The following NPTN variants were observed in gnomAD, a reference collection of about 807,000 sequenced individuals.
The protein encoded by NPTN is neuroplastin.
A neutral mutation model predicts 42.7 loss-of-function variants in NPTN; 5 were observed. The observed-to-expected ratio is 0.12, with a 90% CI of 0.06 to 0.25. The LOEUF (loss-of-function observed/expected upper bound fraction) is 0.25, where lower values mean the gene tolerates loss of function less well. Ranked by LOEUF, NPTN falls within the 10% of genes least tolerant of loss-of-function variation. The pLI is 1.00. For synonymous variants in NPTN, 180 were observed against 201.9 expected (o/e 0.89, Z 0.92); for missense variants, 307 against 525.4 (o/e 0.58, Z 4.06).
At chr15:73,618,505 A>G (rs1897971101) in intron 1 of NPTN, among the ~76,000 whole-genome samples, 2 of 152,214 alleles carry the variant, frequency 1.3e-5, no homozygotes, top group Non-Finnish European at 2.9e-5. Flanking sequence ...ACAACTGAAG[A>G]TACCAGAAGA....
At chr15:73,565,903 T>C (rs749681613) in intron 6 of NPTN, 3 of 432,814 alleles carry the variant, frequency 6.9e-6, no homozygotes, top group South Asian at 1.6e-5. Flanking sequence ...AAATAACGGA[T>C]TGCCTAATAC....
intron 1 of NPTN, among the ~76,000 whole-genome samples, chr15:73,609,418 G>C (rs970019518): frequency 7.3e-6 from 1 of 137,436 alleles, no homozygotes; most frequent in South Asian, 2.5e-4. Context: ...ATCACCTGAG[G>C]TGGAGTTCAA....
At chr15:73,567,768 T>C in intron 6 of NPTN, 1 of 985,262 alleles carries the variant, frequency 1.0e-6, no homozygotes, top group Non-Finnish European at 1.2e-6. Flanking sequence ...GGTGTGAAGA[T>C]GGAGAGTGGA....
At chr15:73,581,836 C>CTT (rs975626130) in intron 4 of NPTN, among the ~76,000 whole-genome samples, 9 of 147,816 alleles carry the variant, frequency 6.1e-5, no homozygotes, top group African/African-American at 2.2e-4. Context: ...ATATGGTGCT[C>CTT]TTTTTTTTTT....
At position 73,560,468 on chromosome 15, in the gene NPTN, A is replaced by C. The variant is rs1363974454; in HGVS notation, c.*595T>G. Reference sequence around the variant, plus strand: ...TATTAAAGTCACAGGTTAAGCCCTTAAAATTATAGATTTCAGTTTATATTA... The same window carrying C: ...TATTAAAGTCACAGGTTAAGCCCTTCAAATTATAGATTTCAGTTTATATTA... On this transcript the variant is annotated 3_prime_UTR_variant, in exon 9 of 9. Coordinates refer to ENST00000345330, the MANE Select transcript of NPTN (RefSeq NM_012428.4). 6.6e-6 allele frequency: 1 copy of C among 152,548 alleles called. No homozygotes were observed. Among genetic ancestry groups the C allele is most frequent in the Non-Finnish European group, 1.5e-5 (1 of 68,026 alleles). 9.4% of individuals were successfully genotyped at this position (152,548 alleles called of 1,614,324 possible).
At chr15:73,621,748 C>T (rs79842130) in intron 1 of NPTN, among the ~76,000 whole-genome samples, 6,064 of 152,252 alleles carry the variant, frequency 0.04, 158 homozygotes, top group South Asian at 0.082. Context: ...ATAAAAACTA[C>T]AAGTTACTTT....
In NPTN at chr15:73,597,893, G is replaced by T. The variant is rs1896899898; in HGVS notation, c.92-524C>A. On this transcript the variant is annotated intron_variant, in intron 1 of 8. Transcript: ENST00000345330. The surrounding 1 kb of genome is among the most constrained non-coding windows in gnomAD (Gnocchi z 6.3). ...AAGAAGTATTAAATGACCTACTGGT[G>T]CCTTCTCTTGGGATTCAGAGTTCAA... Among the ~76,000 whole-genome samples the T allele has an allele frequency of 6.6e-6, 1 of 152,200 alleles. No individual in the cohort carries two copies. The highest frequency in any genetic ancestry group is 2.4e-5 in the African/African-American group (1 of 41,444).
At chr15:73,607,467 C>T (rs185679116) in intron 1 of NPTN, among the ~76,000 whole-genome samples, 8 of 152,292 alleles carry the variant, frequency 5.3e-5, no homozygotes, top group Admixed American at 4.6e-4. Flanking sequence ...ACAATGAACA[C>T]AAGCAGTCCA....
At chr15:73,606,118 C>T (rs1441947181) in intron 1 of NPTN, among the ~76,000 whole-genome samples, 1 of 152,166 alleles carries the variant, frequency 6.6e-6, no homozygotes, top group Non-Finnish European at 1.5e-5. Flanking sequence ...CTCAGGTAAA[C>T]AGCTTCATTA....
At chr15:73,598,664 A>G (rs1273001026) in intron 1 of NPTN, among the ~76,000 whole-genome samples, 1 of 152,184 alleles carries the variant, frequency 6.6e-6, no homozygotes, top group East Asian at 1.9e-4. Flanking sequence ...TGGCTTGGAA[A>G]CGTCCCCTGG....
chr15:73,632,392 A>G (rs1024595268), intron 1 of NPTN, among the ~76,000 whole-genome samples: 1 of 150,746 alleles, frequency 6.6e-6, no homozygotes, highest in African/African-American at 2.4e-5. Flanking sequence ...TGCTCTCCCA[A>G]CCACTACCCT....
chr15:73,590,834 T>C (rs1176464345), intron 3 of NPTN, among the ~76,000 whole-genome samples: 1 of 152,086 alleles, frequency 6.6e-6, no homozygotes, highest in Non-Finnish European at 1.5e-5. Context: ...ATGCTTTTCA[T>C]TCCACCTAAC....
intron 1 of NPTN, among the ~76,000 whole-genome samples, chr15:73,599,314 TAAAC>T (rs780070960): frequency 3.3e-5 from 5 of 151,920 alleles, no homozygotes; most frequent in Non-Finnish European, 5.9e-5. Flanking sequence ...CCAGCTAATA[TAAAC>T]AAAGAAGTAA....
In NPTN at chr15:73,585,275, C is replaced by T. The variant is rs190808516; in HGVS notation, c.706+2249G>A. On this transcript the variant is annotated intron_variant, in intron 4 of 8. Coordinates refer to ENST00000345330, the MANE Select transcript of NPTN (RefSeq NM_012428.4). ...GAACCTCTCTGTTCTCAAGTACAAC[C>T]ACCTCTTAACTCTCTATTACTCAGC... Among the ~76,000 whole-genome samples the T allele has an allele frequency of 9.1e-4, 138 of 152,280 alleles. 1 individual carries two copies. Among genetic ancestry groups the T allele is most frequent in the African/African-American group, 3.1e-3 (129 of 41,550 alleles).
intron 4 of NPTN, among the ~76,000 whole-genome samples, chr15:73,585,629 G>T (rs1192445056): frequency 1.3e-5 from 2 of 152,182 alleles, no homozygotes; most frequent in Non-Finnish European, 2.9e-5. Context: ...GAGAAGGAAA[G>T]ACAGACTAGA....
chr15:73,583,852 A>C (rs1896183974), intron 4 of NPTN, among the ~76,000 whole-genome samples: 1 of 152,164 alleles, frequency 6.6e-6, no homozygotes, highest in Non-Finnish European at 1.5e-5. Flanking sequence ...TGCCGTGTGA[A>C]TGTGGTCTGG....
chr15:73,604,018 AAGAAAT>A (rs1264704448), intron 1 of NPTN, among the ~76,000 whole-genome samples: 1 of 152,238 alleles, frequency 6.6e-6, no homozygotes, highest in Non-Finnish European at 1.5e-5. Context: ...TAGGACAGAC[AAGAAAT>A]AAGCATTTGG....
At chr15:73,603,868 C>T (rs1038335750) in intron 1 of NPTN, among the ~76,000 whole-genome samples, 8 of 152,194 alleles carry the variant, frequency 5.3e-5, no homozygotes, top group African/African-American at 1.9e-4. Flanking sequence ...GTCAGCACCT[C>T]CACAACACAA....
intron 2 of NPTN, among the ~76,000 whole-genome samples, chr15:73,596,440 C>T (rs1423471390): frequency 6.6e-6 from 1 of 152,122 alleles, no homozygotes; most frequent in Non-Finnish European, 1.5e-5. Context: ...CACCAAGTCA[C>T]AGTTAAAGGA....
Sources: allele counts gnomAD v4.1 joint callset (sites outside exome capture counted in the v4.1 genomes callset), GRCh38; gene constraint gnomAD v4.1.1; non-coding constraint Gnocchi (gnomAD v3.1); transcripts MANE v1.5; gene names NCBI Gene and HGNC (gene_info 2026-07-23, HGNC 2026-07-21).